ISM2: variants seen among roughly 807,000 people sequenced by gnomAD.
ISM2 encodes the protein isthmin-2.
Under a neutral mutation model 58.0 loss-of-function variants are expected in ISM2, and 50 were observed. The observed-to-expected ratio is 0.86, with a 90% confidence interval of 0.69 to 1.09. ISM2 has a LOEUF of 1.09. Among genes scored for constraint, ISM2 ranks in the 50% least tolerant of loss-of-function variants. The pLI is 0.00. For synonymous variants in ISM2, 303 were observed against 312.4 expected, an observed-to-expected ratio of 0.97 and a Z score of 0.32; for missense variants, 723 against 745.0, an observed-to-expected ratio of 0.97 and a Z score of 0.34.
Position 77,478,597 on chromosome 14 carries a change from G to A in ISM2, c.1092C>T (p.Thr364=), listed in dbSNP as rs1218666616. ...GYGCTATETR[T]CDLPSCPGTE... is the part of the protein sequence containing the mutation. ...CACCAGGACAGGAGGGCAGGTCACA[G>A]GTACGGGTCTCGGTGGCAGTGCAGC... Residue 364 remains threonine, a synonymous_variant, in exon 5 of 7, where the codon ACC becomes ACT. Coordinates refer to ENST00000342219, the MANE Select transcript of ISM2 (RefSeq NM_199296.3). The A allele has an allele frequency of 1.2e-6, 2 of 1,613,610 alleles. No homozygotes were observed. Among genetic ancestry groups the A allele is most frequent in the Non-Finnish European group, 1.7e-6 (2 of 1,179,634 alleles).
intron 1 of ISM2, among the ~76,000 whole-genome samples, chr14:77,491,689 G>GTTTTT (rs1566758519): frequency 7.3e-6 from 1 of 137,326 alleles, no homozygotes; most frequent in Admixed American, 7.6e-5. Flanking sequence ...ACCGCGTCTG[G>GTTTTT]TCTTTTTTTT....
chr14:77,498,000 G>C (rs1196697842), intron 1 of ISM2, among the ~76,000 whole-genome samples: 2 of 152,154 alleles, frequency 1.3e-5, no homozygotes, highest in South Asian at 4.1e-4. Flanking sequence ...TGCATTCCAG[G>C]GGGCAATAAG....
chr14:77,498,369 C>T (rs1463407962), intron 1 of ISM2: 1 of 1,361,906 alleles, frequency 7.3e-7, no homozygotes, highest in Non-Finnish European at 9.8e-7. Flanking sequence ...GCCCGGCCAC[C>T]GTGGAGTGTC....
chr14:77,484,216 G>T, intron 3 of ISM2, 107 bp downstream of exon 3: 2 of 1,435,184 alleles, frequency 1.4e-6, no homozygotes, highest in Non-Finnish European at 9.5e-7. Context: ...CCACACAGCA[G>T]CCCCACCCTC....
chr14:77,498,754 C>G lies in ISM2; in HGVS notation c.40G>C (p.Val14Leu). The G allele has an allele frequency of 2.0e-6, 3 of 1,479,638 alleles. No homozygotes were observed. Among genetic ancestry groups the G allele is most frequent in the Non-Finnish European group, 2.7e-6 (3 of 1,123,874 alleles). 91.7% of individuals were successfully genotyped at this position (1,479,638 alleles called of 1,614,324 possible). ...TCCAGCAGCGCCGCCAGCAGCAGCA[C>G]GCAGAGGAGGAGCCCGGCTCGGTCG... ...LRDRAGLLLC[V>L]LLLAALLEAA... The change falls in exon 1 of 7, where the codon GTG becomes CTG. Residue 14 changes from valine (V) to leucine (L), a missense_variant. Transcript: ENST00000342219.
At chr14:77,493,261 G>A (rs2079217735) in intron 1 of ISM2, among the ~76,000 whole-genome samples, 1 of 152,058 alleles carries the variant, frequency 6.6e-6, no homozygotes, top group African/African-American at 2.4e-5. Flanking sequence ...TTCCCAAAGT[G>A]CTGGGATTAC....
chr14:77,493,144 T>C (rs2079216843), intron 1 of ISM2, among the ~76,000 whole-genome samples: 1 of 152,118 alleles, frequency 6.6e-6, no homozygotes, highest in Admixed American at 6.6e-5. Flanking sequence ...TACAGGTGCA[T>C]GCCATCAAGC....
At chr14:77,488,481 C>G (rs145452762) in intron 1 of ISM2, among the ~76,000 whole-genome samples, 72 of 152,318 alleles carry the variant, frequency 4.7e-4, no homozygotes, top group African/African-American at 1.2e-3. Context: ...GTTCCACTTT[C>G]ATCTCAGCTG....
intron 1 of ISM2, among the ~76,000 whole-genome samples, chr14:77,492,865 A>T (rs2079214816): frequency 2.0e-5 from 3 of 152,130 alleles, no homozygotes; most frequent in Admixed American, 1.3e-4. Context: ...ATGGTGGAAC[A>T]TGCCTGTAGT....
chr14:77,488,022 C>A (rs559616574), intron 1 of ISM2, among the ~76,000 whole-genome samples: 1 of 152,308 alleles, frequency 6.6e-6, no homozygotes, highest in South Asian at 2.1e-4. Flanking sequence ...GGGCCGGGCA[C>A]CCAGAGGCCC....
At chr14:77,483,544 T>A (rs741853) in intron 3 of ISM2, among the ~76,000 whole-genome samples, 81,777 of 137,220 alleles carry the variant, frequency 0.6, 25,988 homozygotes, top group East Asian at 0.93. Context: ...CGAGACTCCA[T>A]CTCAAAAAAA....
chr14:77,498,556 T>C, intron 1 of ISM2, 97 bp downstream of exon 1: 1 of 1,383,910 alleles, frequency 7.2e-7, no homozygotes, highest in Non-Finnish European at 9.5e-7. Flanking sequence ...TCGCTGCCTG[T>C]GTGTGTCCCG....
At chr14:77,478,402 C>T (rs2079111403) in intron 5 of ISM2, 77 bp from the exon 6 acceptor site, 4 of 1,465,560 alleles carry the variant, frequency 2.7e-6, no homozygotes, top group South Asian at 2.3e-5. Context: ...CCCCCCACCT[C>T]AATAGGCTCT....
At chr14:77,492,675 C>A (rs1413932108) in intron 1 of ISM2, among the ~76,000 whole-genome samples, 1 of 152,096 alleles carries the variant, frequency 6.6e-6, no homozygotes, top group Admixed American at 6.6e-5. Flanking sequence ...CCATGCCTGG[C>A]TTGGCCCAGC....
At chr14:77,498,469 C>A in intron 1 of ISM2, 184 bp downstream of exon 1, 1 of 1,173,784 alleles carries the variant, frequency 8.5e-7, no homozygotes, top group Non-Finnish European at 1.2e-6. Flanking sequence ...GTGGAAGCCC[C>A]GAAGTCCGGC....
At chr14:77,498,631 G>A in intron 1 of ISM2, 22 bp downstream of exon 1, 1 of 1,436,056 alleles carries the variant, frequency 7.0e-7, no homozygotes, top group Admixed American at 2.7e-5. Flanking sequence ...GCGCTCCGCA[G>A]CCCGGTGCCG....
chr14:77,498,208 C>T, intron 1 of ISM2: 1 of 1,263,994 alleles, frequency 7.9e-7, no homozygotes, highest in South Asian at 1.3e-5. Context: ...CCGCTTGTCT[C>T]ATGGAAGGGG....
Position 77,482,433 on chromosome 14 carries a change from T to C in ISM2, c.862A>G (p.Lys288Glu). ...EDIEGEDQED[K>E]EEDEEEQALW... ...GCCTGCTCTTCCTCATCTTCCTCTT[T>C]GTCCTCTTGATCCTCACCCTCGATA... Residue 288 changes from lysine to glutamate, a missense_variant, in exon 4 of 7, where the codon AAA (lysine) becomes GAA (glutamate). Transcript: ENST00000342219. The C allele has an allele frequency of 6.2e-7, 1 of 1,614,214 alleles. No individual in the cohort carries two copies. Among genetic ancestry groups the C allele is most frequent in the African/African-American group, 1.3e-5 (1 of 75,062 alleles).
chr14:77,491,839 G>T (rs979967629), intron 1 of ISM2, among the ~76,000 whole-genome samples: 1 of 151,490 alleles, frequency 6.6e-6, no homozygotes, highest in Non-Finnish European at 1.5e-5. Context: ...GGGATTACAG[G>T]CCCCTGCCAC....
Sources: allele counts gnomAD v4.1 joint callset (sites outside exome capture counted in the v4.1 genomes callset), GRCh38; gene constraint gnomAD v4.1.1; transcripts MANE v1.5; gene names NCBI Gene and HGNC (gene_info 2026-07-23, HGNC 2026-07-21).